TNFRSF11A: variants seen among roughly 807,000 people sequenced by gnomAD.
TNFRSF11A encodes the protein tumor necrosis factor receptor superfamily member 11A.
In TNFRSF11A, 32 loss-of-function variants were observed where a neutral mutation model predicts 55.7. That is an observed-to-expected ratio of 0.57 (90% CI 0.43 to 0.77). The LOEUF is 0.77. TNFRSF11A is among the 30% of genes least tolerant of loss of function. TNFRSF11A has a pLI of 0.00. For missense variants in TNFRSF11A, 753 were observed against 809.8 expected, an observed-to-expected ratio of 0.93 and a Z score of 0.85; for synonymous variants, 311 against 331.0, an observed-to-expected ratio of 0.94 and a Z score of 0.65.
In TNFRSF11A at chr18:62,383,437, A is replaced by C. The variant is rs758757989; in HGVS notation, c.1568-1314A>C. Among the ~76,000 whole-genome samples, 2 of 152,110 alleles carry C rather than the reference A, an allele frequency of 1.3e-5. No individual in the cohort carries two copies. The highest frequency in any genetic ancestry group is 2.9e-5 in the Non-Finnish European group (2 of 68,024). ...GGAGTGGTAACAAAAACTTCATTTT[A>C]TTTGTATGAATTATTACTAAGCTGA... is the stretch of plus-strand genomic sequence containing the variant. On this transcript the variant is annotated intron_variant, in intron 9 of 9. Transcript: ENST00000586569. The surrounding 1 kb of genome is among the most constrained non-coding windows in gnomAD (Gnocchi z 4.2).
At chr18:62,352,896 G>T (rs765630556) in intron 3 of TNFRSF11A, among the ~76,000 whole-genome samples, 2 of 152,180 alleles carry the variant, frequency 1.3e-5, no homozygotes, top group Non-Finnish European at 2.9e-5. Flanking sequence ...CGGGTTTCTG[G>T]TTTGTTGGCT....
intron 7 of TNFRSF11A, among the ~76,000 whole-genome samples, chr18:62,363,702 T>C (rs1392849469): frequency 6.6e-6 from 1 of 152,214 alleles, no homozygotes; most frequent in Non-Finnish European, 1.5e-5. Context: ...CTGTTCATTG[T>C]TGAATGCCTT....
chr18:62,364,360 A>G (rs1015529057), intron 7 of TNFRSF11A, among the ~76,000 whole-genome samples: 2 of 152,120 alleles, frequency 1.3e-5, no homozygotes, highest in African/African-American at 4.8e-5. Context: ...TGGCGAGACC[A>G]TGTAGCGGCT....
intron 3 of TNFRSF11A, among the ~76,000 whole-genome samples, chr18:62,354,048 G>A (rs910633112): frequency 6.6e-6 from 1 of 152,178 alleles, no homozygotes; most frequent in African/African-American, 2.4e-5. Context: ...TACAAAAAAC[G>A]AGGAAGCTCA....
At chr18:62,354,704 C>T (rs1433153554) in intron 4 of TNFRSF11A, among the ~76,000 whole-genome samples, 170 bp downstream of exon 4, 2 of 152,308 alleles carry the variant, frequency 1.3e-5, no homozygotes, top group East Asian at 3.9e-4. Context: ...CAGGCCCAGG[C>T]AAGACCTGAG....
chr18:62,363,168 C>T (rs534806581), intron 7 of TNFRSF11A, among the ~76,000 whole-genome samples: 9 of 151,826 alleles, frequency 5.9e-5, no homozygotes, highest in Non-Finnish European at 1.0e-4. Context: ...TTTATAGGGC[C>T]CACCTTTGCC....
At chr18:62,332,575 C>T (rs1480783156) in intron 1 of TNFRSF11A, among the ~76,000 whole-genome samples, 6 of 152,156 alleles carry the variant, frequency 3.9e-5, no homozygotes, top group African/African-American at 9.7e-5. Context: ...ACAATTTGAC[C>T]CCATTTCCTC....
intron 9 of TNFRSF11A, among the ~76,000 whole-genome samples, chr18:62,369,785 C>T (rs543327844): frequency 8.5e-5 from 13 of 152,198 alleles, no homozygotes; most frequent in Non-Finnish European, 1.9e-4. Context: ...CAAGCCCCAG[C>T]ACTGACCCCG....
At chr18:62,339,154 T>C (rs2046276356) in intron 1 of TNFRSF11A, among the ~76,000 whole-genome samples, 1 of 152,092 alleles carries the variant, frequency 6.6e-6, no homozygotes, top group African/African-American at 2.4e-5. Flanking sequence ...GACCCTCCCT[T>C]CCTTCTACAA....
Position 62,389,213 on chromosome 18 carries a change from T to A in TNFRSF11A, c.*4179T>A, listed in dbSNP as rs956577662. The stretch of plus-strand genomic sequence containing the variant: ...CGGAGCAGAGAAGACGAGACAATGC[T>A]CTGCTCCAAGCGCCAGAGGAGGCTT... On this transcript the variant is annotated 3_prime_UTR_variant, in exon 10 of 10. Coordinates refer to ENST00000586569, the MANE Select transcript of TNFRSF11A (RefSeq NM_003839.4). The A allele has an allele frequency of 6.6e-6, 1 of 152,252 alleles. No homozygotes were observed. The highest frequency in any genetic ancestry group is 1.5e-5 in the Non-Finnish European group (1 of 68,100). 9.4% of individuals were successfully genotyped at this position (152,252 alleles called of 1,614,324 possible).
intron 3 of TNFRSF11A, among the ~76,000 whole-genome samples, chr18:62,352,064 G>A (rs1362798303): frequency 6.6e-6 from 1 of 152,226 alleles, no homozygotes; most frequent in African/African-American, 2.4e-5. Context: ...CCAAAGCGCT[G>A]GGATTACAGC....
chr18:62,385,844 G>A lies in TNFRSF11A; in HGVS notation c.*810G>A, dbSNP rs1209307816. On this transcript the variant is annotated 3_prime_UTR_variant, in exon 10 of 10. Coordinates refer to ENST00000586569, the MANE Select transcript of TNFRSF11A (RefSeq NM_003839.4). ...CAGTGTTTTAGAGATGGCTTTCCCA[G>A]TGTGTGTTCATTGTAAACACTTTTG... is the stretch of plus-strand genomic sequence containing the variant. 6.6e-6 allele frequency: 1 copy of A among 152,212 alleles called. No homozygotes were observed. Among genetic ancestry groups the A allele is most frequent in the African/African-American group, 2.4e-5 (1 of 41,442 alleles). 9.4% of individuals were successfully genotyped at this position (152,212 alleles called of 1,614,324 possible). A position where few individuals can be genotyped will look rare whatever the true frequency, so the allele number is the denominator to read the frequency against.
intron 1 of TNFRSF11A, among the ~76,000 whole-genome samples, chr18:62,341,711 G>A (rs1388670909): frequency 1.3e-5 from 2 of 152,154 alleles, no homozygotes; most frequent in Non-Finnish European, 2.9e-5. Context: ...TGTTTGTGCA[G>A]TCTGGCCGTT....
intron 9 of TNFRSF11A, among the ~76,000 whole-genome samples, chr18:62,370,135 T>C (rs78325991): frequency 0.073 from 11,145 of 152,240 alleles, 661 homozygotes; most frequent in African/African-American, 0.14. Flanking sequence ...TAAAGATGTA[T>C]CACTGCAACA....
At chr18:62,375,910 G>A (rs1910861285) in intron 9 of TNFRSF11A, among the ~76,000 whole-genome samples, 1 of 152,206 alleles carries the variant, frequency 6.6e-6, no homozygotes, top group South Asian at 2.1e-4. Context: ...GAGGTGGGAT[G>A]ATCACCTGAG....
intron 3 of TNFRSF11A, among the ~76,000 whole-genome samples, chr18:62,350,449 C>T (rs1240132031): frequency 6.6e-6 from 1 of 152,078 alleles, no homozygotes; most frequent in Non-Finnish European, 1.5e-5. Context: ...CCCCCCACCA[C>T]GCCCAGCTAA....
chr18:62,345,616 A>G (rs1287641929), intron 1 of TNFRSF11A, among the ~76,000 whole-genome samples: 3 of 152,162 alleles, frequency 2.0e-5, no homozygotes, highest in Non-Finnish European at 4.4e-5. Flanking sequence ...GGGTGATGAA[A>G]ATGTTCAGGA....
chr18:62,345,099 GGGGC>G (rs2046364268), intron 1 of TNFRSF11A, among the ~76,000 whole-genome samples: 1 of 152,192 alleles, frequency 6.6e-6, no homozygotes, highest in Non-Finnish European at 1.5e-5. Flanking sequence ...TTACAAGCAT[GGGGC>G]TGCAGTGCAC....
intron 9 of TNFRSF11A, among the ~76,000 whole-genome samples, chr18:62,379,975 G>C (rs1020578346): frequency 2.0e-5 from 3 of 152,220 alleles, no homozygotes; most frequent in African/African-American, 7.2e-5. Context: ...CTAGATTAGA[G>C]CCTCAGTGGG....
Sources: allele counts gnomAD v4.1 joint callset (sites outside exome capture counted in the v4.1 genomes callset), GRCh38; gene constraint gnomAD v4.1.1; non-coding constraint Gnocchi (gnomAD v3.1); transcripts MANE v1.5; gene names NCBI Gene and HGNC (gene_info 2026-07-23, HGNC 2026-07-21).